AGO2: variants seen among roughly 807,000 people sequenced by gnomAD.
AGO2 encodes the protein argonaute RISC catalytic component 2, also known as protein argonaute-2.
In AGO2, 5 loss-of-function variants were observed where a neutral mutation model predicts 102.3. That is an observed-to-expected ratio of 0.05 (90% confidence interval 0.03 to 0.10). The LOEUF is 0.10. Among genes scored for constraint, AGO2 ranks in the 10% least tolerant of loss-of-function variants. The probability of loss-of-function intolerance (pLI) is 1.00; values close to 1 mark genes in which losing one functional copy is unlikely to be tolerated. For missense variants in AGO2, 541 were observed against 1,183.7 expected (o/e 0.46, Z 7.97); for synonymous variants, 449 against 473.1 (o/e 0.95, Z 0.66).
the AGO2 span, among the ~76,000 whole-genome samples, chr8:140,641,378 A>T: frequency 6.6e-6 from 1 of 152,204 alleles, no homozygotes; most frequent in Non-Finnish European, 1.5e-5. Flanking sequence ...ACATTAAGTA[A>T]AAATTGTCAA....
intron 5 of AGO2, among the ~76,000 whole-genome samples, chr8:140,560,165 G>A (rs531773906): frequency 2.0e-5 from 3 of 152,320 alleles, no homozygotes; most frequent in Admixed American, 6.5e-5. Flanking sequence ...CTGAGGGTGC[G>A]ACCATCTCGT....
At chr8:140,575,185 G>A (rs1439666961) in intron 2 of AGO2, among the ~76,000 whole-genome samples, 1 of 152,076 alleles carries the variant, frequency 6.6e-6, no homozygotes, top group African/African-American at 2.4e-5. Flanking sequence ...CGTCAGCATG[G>A]CCCTGGCATC....
chr8:140,623,394 C>A (rs1055420220), intron 1 of AGO2, among the ~76,000 whole-genome samples: 3 of 152,246 alleles, frequency 2.0e-5, no homozygotes, highest in African/African-American at 7.2e-5. Flanking sequence ...GCGCTACACG[C>A]CACTGAATTG....
chr8:140,566,602 CTTT>C (rs71504806), intron 3 of AGO2, among the ~76,000 whole-genome samples: 1,687 of 137,056 alleles, frequency 0.012, 20 homozygotes, highest in Middle Eastern at 0.065. Context: ...CCTTTACTTT[CTTT>C]TTTTTTTTTT....
chr8:140,568,842 C>G (rs968328917), intron 3 of AGO2, among the ~76,000 whole-genome samples: 8 of 152,348 alleles, frequency 5.3e-5, no homozygotes, highest in Admixed American at 6.5e-5. Flanking sequence ...GGCACCACCT[C>G]CTGACCAGCT....
chr8:140,544,571 GGGCTCA>G (rs1237418162), intron 13 of AGO2, among the ~76,000 whole-genome samples: 33 of 91,190 alleles, frequency 3.6e-4, no homozygotes, highest in East Asian at 9.6e-4. Flanking sequence ...GTTGAGGCTG[GGGCTCA>G]GGCCCAGGCC....
rs1457403762 is a variant in AGO2 at position 140,530,072 on chromosome 8, TG to T, written c.*1971del. The stretch of plus-strand genomic sequence containing the variant: ...TGCCATTTCTTAGAGTGGGAGCTTC[TG>T]TCATTTAAAAAGATTAAAAAAAAAT... On this transcript the variant is annotated 3_prime_UTR_variant, in exon 19 of 19. Transcript: ENST00000220592. The T allele has an allele frequency of 6.9e-6, 1 of 145,528 alleles. No individual in the cohort carries two copies. The highest frequency in any genetic ancestry group is 2.7e-5 in the African/African-American group (1 of 36,672). The allele number at this position is 145,528 out of a possible 1,614,324, so 9.0% of individuals were successfully genotyped here. A position where few individuals can be genotyped will look rare whatever the true frequency, so the allele number is the denominator to read the frequency against.
intron 17 of AGO2, among the ~76,000 whole-genome samples, chr8:140,533,974 C>T (rs1034064214): frequency 2.0e-5 from 3 of 152,208 alleles, no homozygotes; most frequent in Admixed American, 1.3e-4. Context: ...CCTGCCTGCC[C>T]GCCTCACTGC....
At chr8:140,558,634 T>C in intron 6 of AGO2, 62 bp from the exon 7 acceptor site, 1 of 1,534,764 alleles carries the variant, frequency 6.5e-7, no homozygotes. Flanking sequence ...CAGGCGCCAC[T>C]TGCGAGAATC....
upstream of AGO2, chr8:140,635,647 G>T: frequency 4.3e-6 from 2 of 468,904 alleles, no homozygotes; most frequent in Non-Finnish European, 5.5e-6. Context: ...TACCCGACGC[G>T]GCCGGGGCGG....
At chr8:140,581,617 A>G (rs2073558721) in intron 2 of AGO2, among the ~76,000 whole-genome samples, 1 of 152,210 alleles carries the variant, frequency 6.6e-6, no homozygotes, top group Non-Finnish European at 1.5e-5. Flanking sequence ...TATCCCAGGG[A>G]AACGCAAAAA....
intron 2 of AGO2, among the ~76,000 whole-genome samples, chr8:140,580,463 TGG>T (rs2073539499): frequency 6.6e-6 from 1 of 152,068 alleles, no homozygotes; most frequent in Non-Finnish European, 1.5e-5. Flanking sequence ...GTAAGAGAAA[TGG>T]GAAGGAGATG....
chr8:140,599,137 C>T (rs1176387536), intron 1 of AGO2, among the ~76,000 whole-genome samples: 1 of 152,198 alleles, frequency 6.6e-6, no homozygotes, highest in Non-Finnish European at 1.5e-5. Flanking sequence ...CGGCAGGATG[C>T]ACCCGCTTGG....
Position 140,531,945 on chromosome 8 carries a change from C to T in AGO2, c.*99G>A, listed in dbSNP as rs1352383360. The stretch of plus-strand genomic sequence containing the variant: ...AATAAAATCAATGACGTCTCATGTT[C>T]GATGCTGGCTGTCACGGAAGGGCTG... On this transcript the variant is annotated 3_prime_UTR_variant, in exon 19 of 19. Transcript: ENST00000220592. 30 of 1,001,450 alleles carry T rather than the reference C, an allele frequency of 3.0e-5. No homozygotes were observed. The South Asian group carries it at 3.3e-4, about 11-fold the overall frequency. The allele number at this position is 1,001,450 out of a possible 1,614,324, so 62.0% of individuals were successfully genotyped here.
intron 1 of AGO2, among the ~76,000 whole-genome samples, chr8:140,601,018 TC>T (rs1026620120): frequency 6.6e-6 from 1 of 151,886 alleles, no homozygotes; most frequent in Non-Finnish European, 1.5e-5. Context: ...CATCATCTTC[TC>T]CCAGCTGGAT....
intron 2 of AGO2, among the ~76,000 whole-genome samples, chr8:140,581,302 G>A (rs574005591): frequency 2.8e-4 from 42 of 152,374 alleles, no homozygotes; most frequent in Non-Finnish European, 3.7e-4. Context: ...ATCACAAGAC[G>A]CCAGGAGTTT....
chr8:140,562,303 T>C, intron 4 of AGO2, 150 bp downstream of exon 4: 1 of 961,090 alleles, frequency 1.0e-6, no homozygotes, highest in Non-Finnish European at 1.5e-6. Context: ...CTTAGCACCA[T>C]TTGTGTTATC....
intron 3 of AGO2, among the ~76,000 whole-genome samples, chr8:140,568,103 C>CAAAAA (rs553804959): frequency 2.0e-3 from 218 of 110,496 alleles, no homozygotes; most frequent in Non-Finnish European, 3.1e-3. Flanking sequence ...ACTAAAAATA[C>CAAAAA]AAAAAAAAAA....
chr8:140,556,069 T>C, intron 9 of AGO2, 51 bp from the exon 10 acceptor site: 2 of 1,611,622 alleles, frequency 1.2e-6, no homozygotes, highest in Non-Finnish European at 1.7e-6. Context: ...GCCTCCCATC[T>C]CTCTAGCAGC....
Sources: gnomAD v4.1 joint callset for allele counts (sites outside exome capture counted in the v4.1 genomes callset) on GRCh38, gnomAD v4.1.1 for gene constraint, MANE v1.5 for transcripts, NCBI Gene and HGNC (gene_info 2026-07-23, HGNC 2026-07-21) for gene names.